Variants in FRMD4A observed in about 807,000 individuals in gnomAD.
FRMD4A encodes the protein FERM domain-containing protein 4A.
FRMD4A carries 29 observed loss-of-function variants against 129.1 expected under a neutral mutation model. The observed-to-expected ratio is 0.22, with a 90% CI of 0.17 to 0.31. The LOEUF (loss-of-function observed/expected upper bound fraction) is 0.31, where lower values mean the gene tolerates loss of function less well. FRMD4A is among the 10% of genes least tolerant of loss of function. FRMD4A has a pLI of 1.00. For synonymous variants in FRMD4A, 634 were observed against 571.6 expected (o/e 1.11, Z -1.56); for missense variants, 1,272 against 1,375.8 (o/e 0.92, Z 1.19).
At chr10:14,158,648 G>C (rs1036135005) in intron 2 of FRMD4A, among the ~76,000 whole-genome samples, 1 of 151,682 alleles carries the variant, frequency 6.6e-6, no homozygotes, top group African/African-American at 2.4e-5. Flanking sequence ...AGAGGAGAAG[G>C]AGGAGGAGAA....
chr10:13,857,874 T>G (rs2094235543), intron 3 of FRMD4A, among the ~76,000 whole-genome samples: 1 of 152,220 alleles, frequency 6.6e-6, no homozygotes, highest in African/African-American at 2.4e-5. Context: ...ACACCATTCT[T>G]TAGAGCTTTG....
intron 2 of FRMD4A, among the ~76,000 whole-genome samples, chr10:14,071,540 G>A (rs1299524805): frequency 1.3e-5 from 2 of 152,106 alleles, no homozygotes; most frequent in East Asian, 3.8e-4. Flanking sequence ...TTTATATAAA[G>A]AAACAATTTA....
At chr10:14,016,290 T>C (rs1159655238) in intron 2 of FRMD4A, among the ~76,000 whole-genome samples, 2 of 152,220 alleles carry the variant, frequency 1.3e-5, no homozygotes, top group African/African-American at 2.4e-5. Flanking sequence ...ATCTTCATCA[T>C]AGCGAGCATC....
At chr10:13,962,009 T>C (rs910079807) in intron 2 of FRMD4A, among the ~76,000 whole-genome samples, 7 of 150,876 alleles carry the variant, frequency 4.6e-5, no homozygotes, top group Admixed American at 4.0e-4. Context: ...GTTCATTAGT[T>C]ATTTGTTAGA....
intron 2 of FRMD4A, among the ~76,000 whole-genome samples, chr10:14,050,368 G>C (rs900437704): frequency 6.6e-6 from 1 of 152,210 alleles, no homozygotes. Context: ...CTGAGGCTTA[G>C]AGCTGGAAAG....
At chr10:13,891,703 C>A (rs1363685856) in intron 2 of FRMD4A, 1 of 985,098 alleles carries the variant, frequency 1.0e-6, no homozygotes, top group Non-Finnish European at 1.2e-6. Context: ...GCGTCCCATT[C>A]GCCCGGGCGA....
chr10:13,952,098 G>C (rs1248880539), intron 2 of FRMD4A, among the ~76,000 whole-genome samples: 1 of 150,828 alleles, frequency 6.6e-6, no homozygotes, highest in East Asian at 1.9e-4. Flanking sequence ...CCAAGATGAA[G>C]GAAGTATGAC....
At chr10:14,330,545 C>T (rs1054282567) in intron 1 of FRMD4A, 52 bp downstream of exon 1, 1 of 408,770 alleles carries the variant, frequency 2.4e-6, no homozygotes, top group African/African-American at 2.0e-5. Context: ...CCCCCTCTCT[C>T]TGCATCTCTC....
At chr10:13,728,210 A>AT (rs994336725) in intron 12 of FRMD4A, among the ~76,000 whole-genome samples, 13 of 151,686 alleles carry the variant, frequency 8.6e-5, no homozygotes, top group South Asian at 2.1e-4. Context: ...AGTTTTATTC[A>AT]TTTTTTTTTA....
intron 3 of FRMD4A, among the ~76,000 whole-genome samples, chr10:13,851,455 G>A (rs1414766950): frequency 1.3e-5 from 2 of 152,172 alleles, no homozygotes; most frequent in Non-Finnish European, 2.9e-5. Flanking sequence ...TGAGCAGCGA[G>A]AGAAGCTTCA....
chr10:13,921,258 C>CTCTCTCTTTCTCTCTT (rs1554970462), intron 2 of FRMD4A, among the ~76,000 whole-genome samples: 6 of 135,424 alleles, frequency 4.4e-5, no homozygotes, highest in East Asian at 2.3e-4. Context: ...TTCTCTCTCT[C>CTCTCTCTTTCTCTCTT]TCTCTCTTTC....
intron 2 of FRMD4A, among the ~76,000 whole-genome samples, chr10:14,103,622 T>A (rs776419337): frequency 6.6e-6 from 1 of 152,328 alleles, no homozygotes; most frequent in South Asian, 2.1e-4. Context: ...TTTTATTATG[T>A]GAAGCTGAAT....
At chr10:14,056,033 C>G (rs990382875) in intron 2 of FRMD4A, among the ~76,000 whole-genome samples, 30 of 152,040 alleles carry the variant, frequency 2.0e-4, no homozygotes, top group Admixed American at 6.5e-5. Context: ...CTCCTGGGTT[C>G]ACGTCATTCT....
At chr10:13,883,363 G>A (rs569138120) in intron 2 of FRMD4A, among the ~76,000 whole-genome samples, 3 of 152,136 alleles carry the variant, frequency 2.0e-5, no homozygotes, top group East Asian at 1.9e-4. Context: ...GTAGTGGTGC[G>A]TGGCTGTAAT....
intron 16 of FRMD4A, 108 bp downstream of exon 16, chr10:13,674,803 A>ATCAAATGACATCAG: frequency 1.6e-6 from 2 of 1,262,738 alleles, no homozygotes; most frequent in South Asian, 2.6e-5. Flanking sequence ...TGTCAAAACG[A>ATCAAATGACATCAG]TCAAATGACA....
chr10:13,761,139 C>G (rs754759832), intron 8 of FRMD4A, among the ~76,000 whole-genome samples: 10 of 152,170 alleles, frequency 6.6e-5, no homozygotes, highest in Non-Finnish European at 1.2e-4. Flanking sequence ...TATGTTTTCT[C>G]CAACACAATA....
At chr10:14,318,496 A>G (rs926942864) in intron 2 of FRMD4A, among the ~76,000 whole-genome samples, 7 of 152,096 alleles carry the variant, frequency 4.6e-5, no homozygotes, top group Non-Finnish European at 1.0e-4. Flanking sequence ...ACCAGGATTT[A>G]CACATCCTCT....
chr10:13,760,994 A>C (rs2092049914), intron 8 of FRMD4A, among the ~76,000 whole-genome samples: 1 of 152,058 alleles, frequency 6.6e-6, no homozygotes, highest in African/African-American at 2.4e-5. Context: ...GGTGATGATC[A>C]CAAGAGATTT....
At chr10:13,899,602 G>A (rs1466506035) in intron 2 of FRMD4A, among the ~76,000 whole-genome samples, 1 of 151,882 alleles carries the variant, frequency 6.6e-6, no homozygotes, top group African/African-American at 2.4e-5. Context: ...GTTTGAGGCT[G>A]CAGTGAGCTA....
Sources: gnomAD v4.1 joint callset for allele counts (sites outside exome capture counted in the v4.1 genomes callset) on GRCh38, gnomAD v4.1.1 for gene constraint, MANE v1.5 for transcripts, NCBI Gene and HGNC (gene_info 2026-07-23, HGNC 2026-07-21) for gene names.